Variants in SMIM10L3 observed in about 807,000 individuals in gnomAD.
SMIM10L3 encodes small integral membrane protein 10 like 3.
chr7:6,333,181 AC>A, the SMIM10L3 span, among the ~76,000 whole-genome samples: 843 of 147,092 alleles, frequency 5.7e-3, 4 homozygotes, highest in Non-Finnish European at 0.011. Flanking sequence ...AAAAAAAAAA[AC>A]AAAAAACAAA....
At chr7:6,338,833 A>AG in the SMIM10L3 span, 2 of 152,252 alleles carry the variant, frequency 1.3e-5, no homozygotes, top group African/African-American at 4.8e-5. Context: ...TTTCTGAAAG[A>AG]GGTCTGGCAA....
At chr7:6,344,404 C>A in the SMIM10L3 span, among the ~76,000 whole-genome samples, 14 of 152,230 alleles carry the variant, frequency 9.2e-5, no homozygotes, top group Admixed American at 6.5e-4. Flanking sequence ...CTTGGTCAAG[C>A]CCAAGCCTAC....
At chr7:6,342,402 G>A in the SMIM10L3 span, among the ~76,000 whole-genome samples, 413 of 151,580 alleles carry the variant, frequency 2.7e-3, 3 homozygotes, top group African/African-American at 9.7e-3. Flanking sequence ...AACATTAGCT[G>A]GGCATGGTGG....
the SMIM10L3 span, chr7:6,341,825 CTG>C: frequency 6.6e-6 from 1 of 151,970 alleles, no homozygotes; most frequent in Non-Finnish European, 1.5e-5. Context: ...CGGTGAAACT[CTG>C]TCTCTACTAA....
chr7:6,339,592 C>T, the SMIM10L3 span, among the ~76,000 whole-genome samples: 1 of 151,364 alleles, frequency 6.6e-6, no homozygotes, highest in Non-Finnish European at 1.5e-5. Context: ...CACGCCATTC[C>T]GCTGCCTCAG....
chr7:6,329,753 A>C, the SMIM10L3 span: 1 of 166,040 alleles, frequency 6.0e-6, no homozygotes, highest in Admixed American at 6.6e-5. Context: ...ATTTTTGTTT[A>C]AGGTAACACT....
chr7:6,331,000 A>C, the SMIM10L3 span: 1 of 1,614,152 alleles, frequency 6.2e-7, no homozygotes, highest in Admixed American at 1.7e-5. Flanking sequence ...ATTTCCATCA[A>C]CCACAGGCTT....
At chr7:6,345,081 G>A in the SMIM10L3 span, among the ~76,000 whole-genome samples, 1 of 151,324 alleles carries the variant, frequency 6.6e-6, no homozygotes, top group East Asian at 2.0e-4. Flanking sequence ...TTTTAGAAAT[G>A]ACATGATCAG....
At chr7:6,330,651 C>G in the SMIM10L3 span, 1 of 1,614,126 alleles carries the variant, frequency 6.2e-7, no homozygotes, top group Non-Finnish European at 8.5e-7. Context: ...GTGGGTCATC[C>G]TGAAAACTTC....
chr7:6,330,564 G>A, the SMIM10L3 span: 6 of 1,614,170 alleles, frequency 3.7e-6, no homozygotes, highest in Non-Finnish European at 4.2e-6. Flanking sequence ...CGGGATACAC[G>A]TGCAGCGTTG....
chr7:6,336,982 G>C, the SMIM10L3 span, among the ~76,000 whole-genome samples: 16 of 151,970 alleles, frequency 1.1e-4, no homozygotes, highest in Non-Finnish European at 1.9e-4. Flanking sequence ...CATTTATTTT[G>C]CTGATGAAAA....
the SMIM10L3 span, among the ~76,000 whole-genome samples, chr7:6,333,997 C>T: frequency 6.6e-6 from 1 of 151,486 alleles, no homozygotes; most frequent in Non-Finnish European, 1.5e-5. Flanking sequence ...CAGGCACCCG[C>T]CACCACGCCC....
At chr7:6,336,088 G>A in the SMIM10L3 span, among the ~76,000 whole-genome samples, 1 of 150,586 alleles carries the variant, frequency 6.6e-6, no homozygotes, top group Non-Finnish European at 1.5e-5. Flanking sequence ...CAGGACAATC[G>A]TTTGAACCTG....
the SMIM10L3 span, chr7:6,348,937 A>C: frequency 7.8e-6 from 3 of 382,398 alleles, no homozygotes; most frequent in Non-Finnish European, 1.4e-5. Flanking sequence ...CTCCGCGAGC[A>C]GCCGCCTGTA....
chr7:6,336,145 C>A, the SMIM10L3 span, among the ~76,000 whole-genome samples: 1 of 149,290 alleles, frequency 6.7e-6, no homozygotes, highest in Non-Finnish European at 1.5e-5. Flanking sequence ...TGCACTCCAG[C>A]CTGGGCAACA....
the SMIM10L3 span, among the ~76,000 whole-genome samples, chr7:6,332,713 T>A: frequency 8.6e-5 from 13 of 151,978 alleles, no homozygotes; most frequent in East Asian, 1.9e-3. Context: ...AAATAAAAAT[T>A]AAAATTAAAG....
the SMIM10L3 span, among the ~76,000 whole-genome samples, chr7:6,338,287 GAT>G: frequency 6.6e-6 from 1 of 152,132 alleles, no homozygotes; most frequent in Non-Finnish European, 1.5e-5. Context: ...GTATGCTAGA[GAT>G]ATATTGTACC....
the SMIM10L3 span, among the ~76,000 whole-genome samples, chr7:6,334,870 G>C: frequency 6.6e-6 from 1 of 151,418 alleles, no homozygotes; most frequent in African/African-American, 2.4e-5. Context: ...CTGGGTTCAA[G>C]TGATTCTCCT....
At chr7:6,344,148 G>GA in the SMIM10L3 span, among the ~76,000 whole-genome samples, 479 of 120,084 alleles carry the variant, frequency 4.0e-3, 5 homozygotes, top group South Asian at 0.032. Flanking sequence ...TGAAGAACAA[G>GA]AAAAAAAAAA....
Sources: gnomAD v4.1 joint callset for allele counts (sites outside exome capture counted in the v4.1 genomes callset) on GRCh38, gnomAD v4.1.1 for gene constraint, MANE v1.5 for transcripts, NCBI Gene and HGNC (gene_info 2026-07-23, HGNC 2026-07-21) for gene names.